RAB2A: variants seen among roughly 807,000 people sequenced by gnomAD.
The protein encoded by RAB2A is ras-related protein Rab-2A.
A neutral mutation model predicts 32.5 loss-of-function variants in RAB2A; 7 were observed. The observed-to-expected ratio is 0.22, with a 90% CI of 0.12 to 0.40. RAB2A has a LOEUF of 0.40. Among genes scored for constraint, RAB2A ranks in the 10% least tolerant of loss-of-function variants. RAB2A has a pLI of 1.00. For synonymous variants in RAB2A, 79 were observed against 85.2 expected, an observed-to-expected ratio of 0.93 and a Z score of 0.40; for missense variants, 108 against 260.7, an observed-to-expected ratio of 0.41 and a Z score of 4.03.
At chr8:60,523,431 A>G (rs1408991509) in intron 1 of RAB2A, among the ~76,000 whole-genome samples, 3 of 152,006 alleles carry the variant, frequency 2.0e-5, no homozygotes, top group Admixed American at 2.0e-4. Flanking sequence ...TGCTGGGATT[A>G]CAGGCATGAG....
chr8:60,540,666 G>C (rs900518152), intron 1 of RAB2A, among the ~76,000 whole-genome samples: 4 of 152,202 alleles, frequency 2.6e-5, no homozygotes, highest in African/African-American at 9.7e-5. Context: ...ATTTTTAGTA[G>C]AGTTGGGCTT....
At chr8:60,527,735 A>AT (rs923663470) in intron 1 of RAB2A, among the ~76,000 whole-genome samples, 197 of 150,602 alleles carry the variant, frequency 1.3e-3, no homozygotes, top group African/African-American at 3.9e-3. Context: ...AGTATCCATT[A>AT]TTTTTTTTTT....
At chr8:60,580,082 C>T (rs1002683017) in intron 3 of RAB2A, among the ~76,000 whole-genome samples, 6 of 151,376 alleles carry the variant, frequency 4.0e-5, no homozygotes, top group Non-Finnish European at 5.9e-5. Flanking sequence ...TTGTAACCTC[C>T]GCCTCCTGGC....
intron 3 of RAB2A, among the ~76,000 whole-genome samples, chr8:60,580,718 G>A (rs1803734513): frequency 1.3e-5 from 2 of 152,150 alleles, no homozygotes; most frequent in Admixed American, 1.3e-4. Flanking sequence ...AACGTGTTTT[G>A]TTCTTTGCAA....
intron 1 of RAB2A, among the ~76,000 whole-genome samples, chr8:60,528,374 A>C (rs117549188): frequency 4.9e-4 from 74 of 152,350 alleles, no homozygotes; most frequent in Non-Finnish European, 7.2e-4. Context: ...GCTTCTTTGA[A>C]TGTTACAATA....
At chr8:60,607,044 G>A (rs1182938568) in intron 6 of RAB2A, among the ~76,000 whole-genome samples, 4 of 151,412 alleles carry the variant, frequency 2.6e-5, no homozygotes, top group African/African-American at 9.7e-5. Context: ...GTGGGTGCAT[G>A]GAGACTGCTT....
At chr8:60,590,528 A>AAT (rs992238638) in intron 5 of RAB2A, among the ~76,000 whole-genome samples, 8 of 146,438 alleles carry the variant, frequency 5.5e-5, no homozygotes, top group South Asian at 2.1e-4. Flanking sequence ...TGTATACACA[A>AAT]ATATATATAT....
chr8:60,516,924 G>A (rs1008222673), upstream of RAB2A: 45 of 298,480 alleles, frequency 1.5e-4, no homozygotes, highest in Middle Eastern at 1.9e-3. Context: ...CTCCGGCGGC[G>A]CCGGCGGCCG....
intron 6 of RAB2A, among the ~76,000 whole-genome samples, chr8:60,601,595 C>T (rs933211643): frequency 1.3e-5 from 2 of 152,152 alleles, no homozygotes; most frequent in Non-Finnish European, 2.9e-5. Context: ...GCTGTGGCCT[C>T]CCAAAGTGCT....
intron 1 of RAB2A, among the ~76,000 whole-genome samples, chr8:60,554,832 G>A (rs1017168686): frequency 7.2e-5 from 11 of 151,728 alleles, no homozygotes; most frequent in African/African-American, 1.9e-4. Flanking sequence ...CAGCCTGGGC[G>A]ACAGAGCGAG....
rs1402038526 is a variant in RAB2A, at chr8:60,591,960, T to C, written c.465T>C (p.Asn155=). 6.3e-7 allele frequency: 1 copy of C among 1,599,338 alleles called. No homozygotes were observed. Among genetic ancestry groups the C allele is most frequent in the Non-Finnish European group, 8.5e-7 (1 of 1,169,750 alleles). The change falls in exon 6 of 8, where the codon AAT becomes AAC. Residue 155 remains asparagine (N), a synonymous_variant. Coordinates refer to ENST00000262646, the MANE Select transcript of RAB2A (RefSeq NM_002865.3). The stretch of plus-strand genomic sequence containing the variant: ...AAACGTCTGCTAAGACTGCTTCCAA[T>C]GTAGAAGAGGTAAATAAGAGGCCCT... ...FMETSAKTAS[N]VEEAFINTAK... is the part of the protein sequence containing the mutation.
intron 6 of RAB2A, among the ~76,000 whole-genome samples, chr8:60,601,756 A>C (rs1231804439): frequency 6.6e-6 from 1 of 152,254 alleles, no homozygotes; most frequent in East Asian, 1.9e-4. Context: ...CAATGTCCAC[A>C]TGACAGATTT....
rs56406651 is a variant in RAB2A at position 60,598,937 on chromosome 8, C to CAAAAAAAAAAA, written c.474+6987_474+6997dup. On this transcript the variant is annotated intron_variant, in intron 6 of 7. Coordinates refer to ENST00000262646, the MANE Select transcript of RAB2A (RefSeq NM_002865.3). ...GGAAGTTCTAGCCAGTGCAGTAAAG[C>CAAAAAAAAAAA]AAAAAAAAAAAAAAAAAAAAAAAAA... is the stretch of plus-strand genomic sequence containing the variant. Among the ~76,000 whole-genome samples, 17 of 40,386 alleles carry CAAAAAAAAAAA rather than the reference C, an allele frequency of 4.2e-4. 1 individual carries two copies. The highest frequency in any genetic ancestry group is 8.5e-4 in the East Asian group (1 of 1,182). 26.5% of individuals were successfully genotyped at this position (40,386 alleles called of 152,430 possible).
At chr8:60,606,072 C>G (rs180902281) in intron 6 of RAB2A, among the ~76,000 whole-genome samples, 136 of 152,200 alleles carry the variant, frequency 8.9e-4, no homozygotes, top group African/African-American at 3.2e-3. Context: ...TTACTTGAAT[C>G]AGGGAGGCGG....
At chr8:60,593,999 A>G (rs1459225415) in intron 6 of RAB2A, among the ~76,000 whole-genome samples, 2 of 152,208 alleles carry the variant, frequency 1.3e-5, no homozygotes, top group Non-Finnish European at 2.9e-5. Context: ...AACTTAGTGA[A>G]TGGACTCAAC....
Position 60,623,534 on chromosome 8 carries a change from A to G in RAB2A, c.*2765A>G, listed in dbSNP as rs1271141467. The G allele has an allele frequency of 6.6e-6, 1 of 152,200 alleles. No individual in the cohort carries two copies. The allele number at this position is 152,200 out of a possible 1,614,324, so 9.4% of individuals were successfully genotyped here. ...GTTTCATAATAAACAGGAATTGACT[A>G]TACAAATAGGTAAACCAGCATATCT... On this transcript the variant is annotated 3_prime_UTR_variant, in exon 8 of 8. Transcript: ENST00000262646.
At chr8:60,551,448 C>T (rs1242706255) in intron 1 of RAB2A, among the ~76,000 whole-genome samples, 1 of 152,108 alleles carries the variant, frequency 6.6e-6, no homozygotes, top group Non-Finnish European at 1.5e-5. Flanking sequence ...TTTTTTGAAA[C>T]TTTACTATGT....
chr8:60,524,607 C>G (rs544298434), intron 1 of RAB2A, among the ~76,000 whole-genome samples: 82 of 152,368 alleles, frequency 5.4e-4, no homozygotes, highest in African/African-American at 1.9e-3. Flanking sequence ...TCTAGATTCT[C>G]TCTCCTGTAA....
At chr8:60,520,596 G>C (rs1415914407) in intron 1 of RAB2A, among the ~76,000 whole-genome samples, 2 of 152,060 alleles carry the variant, frequency 1.3e-5, no homozygotes, top group Non-Finnish European at 2.9e-5. Context: ...ATCAAAAAAA[G>C]TTATGTCAAA....
Sources: allele counts gnomAD v4.1 joint callset (sites outside exome capture counted in the v4.1 genomes callset), GRCh38; gene constraint gnomAD v4.1.1; transcripts MANE v1.5; gene names NCBI Gene and HGNC (gene_info 2026-07-23, HGNC 2026-07-21).